ZWILCH: variants seen among roughly 807,000 people sequenced by gnomAD.
ZWILCH encodes protein zwilch homolog.
In ZWILCH, 74 loss-of-function variants were observed where a neutral mutation model predicts 79.9. The observed-to-expected ratio is 0.93, with a 90% confidence interval of 0.77 to 1.12. ZWILCH has a LOEUF of 1.12. Among genes scored for constraint, ZWILCH ranks in the 50% most tolerant of loss-of-function variants. The pLI is 0.00. For missense variants in ZWILCH, 694 were observed against 687.5 expected, an observed-to-expected ratio of 1.01 and a Z score of -0.11; for synonymous variants, 241 against 228.2, an observed-to-expected ratio of 1.06 and a Z score of -0.51.
At chr15:66,528,318 G>T (rs901732297) in intron 10 of ZWILCH, among the ~76,000 whole-genome samples, 1 of 152,112 alleles carries the variant, frequency 6.6e-6, no homozygotes, top group Non-Finnish European at 1.5e-5. Context: ...TGCCTAGGCT[G>T]GTCTTGAACT....
intron 17 of ZWILCH, among the ~76,000 whole-genome samples, chr15:66,541,539 C>T (rs1039065459): frequency 3.3e-5 from 5 of 152,100 alleles, no homozygotes; most frequent in Non-Finnish European, 7.4e-5. Flanking sequence ...ATATTTCTGT[C>T]ATAGTGTCTT....
rs1296354819 is a variant in ZWILCH, at chr15:66,549,189, A to G, written c.*865A>G. 1 of 152,234 alleles carries G rather than the reference A, an allele frequency of 6.6e-6. No individual in the cohort carries two copies. Among genetic ancestry groups the G allele is most frequent in the African/African-American group, 2.4e-5 (1 of 41,446 alleles). 9.4% of individuals were successfully genotyped at this position (152,234 alleles called of 1,614,324 possible). On this transcript the variant is annotated 3_prime_UTR_variant, in exon 19 of 19. Transcript: ENST00000307897. ...GGGTACTCTGGTTACTGAGATAAAT[A>G]AGGCACTGGACATCCTCACGTGGAG... is the stretch of plus-strand genomic sequence containing the variant.
intron 12 of ZWILCH, among the ~76,000 whole-genome samples, chr15:66,531,307 G>C (rs965233188): frequency 3.3e-5 from 5 of 152,136 alleles, no homozygotes; most frequent in Non-Finnish European, 5.9e-5. Flanking sequence ...TCTCCTCTCA[G>C]CTAGGAGAGG....
At position 66,537,183 on chromosome 15, in the gene ZWILCH, T is replaced by C; in HGVS notation, c.1494T>C (p.Tyr498=). The change falls in exon 16 of 19, where the codon TAT becomes TAC. Residue 498 remains tyrosine (Y), a synonymous_variant. Coordinates refer to ENST00000307897, the MANE Select transcript of ZWILCH (RefSeq NM_017975.5). ...LFSLTQICIK[Y]YKQNPLDEQH... is the part of the protein sequence containing the mutation. ...GTTTTTTCAGGATCTGCATAAAGTA[T>C]TACAAACAAAATCCTCTTGATGAGC... The C allele has an allele frequency of 6.2e-7, 1 of 1,613,394 alleles. No individual in the cohort carries two copies. The highest frequency in any genetic ancestry group is 2.2e-5 in the East Asian group (1 of 44,876).
At chr15:66,527,646 C>G (rs1402630821) in intron 9 of ZWILCH, among the ~76,000 whole-genome samples, 3 of 152,092 alleles carry the variant, frequency 2.0e-5, no homozygotes, top group Non-Finnish European at 4.4e-5. Context: ...GTGCCTGATG[C>G]CATGTGTCAG....
At chr15:66,519,485 T>G (rs879877429) in intron 5 of ZWILCH, among the ~76,000 whole-genome samples, 17 of 152,342 alleles carry the variant, frequency 1.1e-4, no homozygotes, top group Middle Eastern at 3.4e-3. Context: ...GACGGAGTCT[T>G]GCTCTGTCGC....
intron 4 of ZWILCH, among the ~76,000 whole-genome samples, chr15:66,517,925 G>A (rs1440095517): frequency 6.6e-6 from 1 of 151,456 alleles, no homozygotes; most frequent in African/African-American, 2.4e-5. Context: ...TAGAGACGGG[G>A]TTTCACCATG....
intron 4 of ZWILCH, among the ~76,000 whole-genome samples, 158 bp from the exon 5 acceptor site, chr15:66,518,721 G>T (rs1894379281): frequency 6.6e-6 from 1 of 152,188 alleles, no homozygotes; most frequent in South Asian, 2.1e-4. Flanking sequence ...TGAGACAGGA[G>T]GATCACTTGA....
At chr15:66,518,010 C>A (rs996703179) in intron 4 of ZWILCH, among the ~76,000 whole-genome samples, 1 of 151,934 alleles carries the variant, frequency 6.6e-6, no homozygotes, top group Non-Finnish European at 1.5e-5. Flanking sequence ...GGATTACAAG[C>A]TTGAGCCACC....
chr15:66,521,607 C>T (rs7177087), intron 7 of ZWILCH, among the ~76,000 whole-genome samples: 47,218 of 151,904 alleles, frequency 0.31, 7,758 homozygotes, highest in Admixed American at 0.4. Flanking sequence ...GCAGTCCTCC[C>T]GCCTCAGCCT....
Position 66,520,676 on chromosome 15 carries a change from C to G in ZWILCH, c.591+16C>G. ...CTTGTCTACTGTAAGTGTTTTGCTT[C>G]TACTCATATTATTTTCTTCAAATTG... On this transcript the variant is annotated intron_variant, in intron 6 of 18. Coordinates refer to ENST00000307897, the MANE Select transcript of ZWILCH (RefSeq NM_017975.5). 1.3e-6 allele frequency: 2 copies of G among 1,511,136 alleles called. No homozygotes were observed. Among genetic ancestry groups the G allele is most frequent in the Non-Finnish European group, 1.8e-6 (2 of 1,104,068 alleles). 93.6% of individuals were successfully genotyped at this position (1,511,136 alleles called of 1,614,324 possible).
At chr15:66,517,763 C>CTT (rs1431645368) in intron 4 of ZWILCH, among the ~76,000 whole-genome samples, 2 of 99,818 alleles carry the variant, frequency 2.0e-5, no homozygotes, top group Non-Finnish European at 3.6e-5. Flanking sequence ...GAGACAGAGT[C>CTT]ACTCTGTCGC....
chr15:66,522,579 A>G (rs1481992182), intron 7 of ZWILCH, among the ~76,000 whole-genome samples: 1 of 152,054 alleles, frequency 6.6e-6, no homozygotes. Flanking sequence ...AAGTGCTGGG[A>G]TTACAGGCAT....
chr15:66,514,098 G>A lies in ZWILCH; in HGVS notation c.201+15G>A, dbSNP rs1894169026. The A allele has an allele frequency of 6.4e-7, 1 of 1,571,336 alleles. No homozygotes were observed. Among genetic ancestry groups the A allele is most frequent in the East Asian group, 2.3e-5 (1 of 44,390 alleles). ...TGGAAAAAGTGGTAAGTACTGGTTT[G>A]ACTTTGTGGTTGTTTAATTCTCCAT... is the stretch of plus-strand genomic sequence containing the variant. On this transcript the variant is annotated intron_variant, in intron 3 of 18. Coordinates refer to ENST00000307897, the MANE Select transcript of ZWILCH (RefSeq NM_017975.5).
chr15:66,518,026 C>T (rs1170939771), intron 4 of ZWILCH, among the ~76,000 whole-genome samples: 1 of 151,858 alleles, frequency 6.6e-6, no homozygotes, highest in Non-Finnish European at 1.5e-5. Flanking sequence ...CCACCGCGCC[C>T]GGCCTGGCTC....
intron 15 of ZWILCH, among the ~76,000 whole-genome samples, chr15:66,536,775 G>A (rs926853404): frequency 1.2e-4 from 18 of 151,972 alleles, no homozygotes; most frequent in African/African-American, 4.1e-4. Flanking sequence ...GAATGAATGA[G>A]TTAACTGTAA....
intron 7 of ZWILCH, 148 bp from the exon 8 acceptor site, chr15:66,523,529 G>A: frequency 1.7e-6 from 1 of 585,350 alleles, no homozygotes; most frequent in Non-Finnish European, 3.1e-6. Context: ...TGTTCTAAAT[G>A]ATGTGTTGAC....
intron 16 of ZWILCH, among the ~76,000 whole-genome samples, chr15:66,537,662 G>A (rs1895057984): frequency 6.6e-6 from 1 of 152,158 alleles, no homozygotes; most frequent in Non-Finnish European, 1.5e-5. Context: ...TTGCACTCCA[G>A]CCTGGGCAAC....
chr15:66,537,930 T>C (rs1055063952), intron 16 of ZWILCH, among the ~76,000 whole-genome samples: 1 of 152,128 alleles, frequency 6.6e-6, no homozygotes, highest in African/African-American at 2.4e-5. Flanking sequence ...CTGTATTTGT[T>C]ATTCCTTCAG....
Sources: gnomAD v4.1 joint callset for allele counts (sites outside exome capture counted in the v4.1 genomes callset) on GRCh38, gnomAD v4.1.1 for gene constraint, MANE v1.5 for transcripts, NCBI Gene and HGNC (gene_info 2026-07-23, HGNC 2026-07-21) for gene names.